ZFP90: variants seen among roughly 807,000 people sequenced by gnomAD.
ZFP90 encodes the protein zinc finger protein 90 homolog.
ZFP90 carries 38 observed loss-of-function variants against 60.8 expected under a neutral mutation model. That is an observed-to-expected ratio of 0.62 (90% CI 0.48 to 0.82). The LOEUF (loss-of-function observed/expected upper bound fraction) is 0.82. ZFP90 is among the 40% of genes least tolerant of loss of function. ZFP90 has a pLI of 0.00. For missense variants in ZFP90, 711 were observed against 759.1 expected (o/e 0.94, Z 0.74); for synonymous variants, 287 against 264.8 (o/e 1.08, Z -0.82).
At chr16:68,561,794 C>A (rs1242081012) in intron 4 of ZFP90, among the ~76,000 whole-genome samples, 1 of 152,116 alleles carries the variant, frequency 6.6e-6, no homozygotes, top group African/African-American at 2.4e-5. Flanking sequence ...ACAAGGCATT[C>A]TCTGTCCTCA....
chr16:68,560,572 T>TATTTATTG, intron 4 of ZFP90, among the ~76,000 whole-genome samples: 1 of 152,192 alleles, frequency 6.6e-6, no homozygotes, highest in South Asian at 2.1e-4. Context: ...TTTATTTATT[T>TATTTATTG]TGAGACAGAA....
chr16:68,576,125 GCTC>G (rs2091593241), downstream of ZFP90: 1 of 227,512 alleles, frequency 4.4e-6, no homozygotes, highest in African/African-American at 2.3e-5. Context: ...CTTCTCCCCA[GCTC>G]CTCAGTATCC....
In ZFP90 at chr16:68,565,418, T is replaced by A. The variant is rs570300062; in HGVS notation, c.*720T>A. 3.4e-5 allele frequency: 34 copies of A among 985,580 alleles called. No individual in the cohort carries two copies. In the South Asian group the frequency reaches 1.4e-3, roughly 41 times the overall value. The allele number at this position is 985,580 out of a possible 1,614,324, so 61.1% of individuals were successfully genotyped here. A position where few individuals can be genotyped will look rare whatever the true frequency, so the allele number is the denominator to read the frequency against. ...ATGGGTTGGACACTTTGAGAATTCT[T>A]AAAAGTATAAGTGGGAGCAAAATGT... On this transcript the variant is annotated 3_prime_UTR_variant, in exon 5 of 5. Coordinates refer to ENST00000563169, the MANE Select transcript of ZFP90 (RefSeq NM_001305203.2).
rs556245010 is a variant in ZFP90, at chr16:68,557,982, G to T, written c.34-16G>T. Reference sequence around the variant, plus strand: ...GTGGGGTTGATCCCCAGTTGAACAGGAATGTGATTTTACAGGAATCAGTGA... The same window carrying T: ...GTGGGGTTGATCCCCAGTTGAACAGTAATGTGATTTTACAGGAATCAGTGA... On this transcript the variant is annotated splice_polypyrimidine_tract_variant and intron_variant, in intron 2 of 4. Transcript: ENST00000563169. The T allele has an allele frequency of 5.0e-6, 8 of 1,613,350 alleles. No individual in the cohort carries two copies. Among genetic ancestry groups the T allele is most frequent in the Non-Finnish European group, 5.9e-6 (7 of 1,179,772 alleles).
chr16:68,549,298 A>G (rs2152062956), intron 2 of ZFP90, among the ~76,000 whole-genome samples: 1 of 152,322 alleles, frequency 6.6e-6, no homozygotes, highest in East Asian at 1.9e-4. Context: ...AAGACCCTCC[A>G]TGCATGGACA....
chr16:68,553,799 G>C (rs1446516293), intron 2 of ZFP90, among the ~76,000 whole-genome samples: 2 of 151,846 alleles, frequency 1.3e-5, no homozygotes, highest in Non-Finnish European at 2.9e-5. Context: ...TAAAAAATTT[G>C]TTTGTGTTAG....
chr16:68,547,753 A>G (rs1252365085), intron 2 of ZFP90, among the ~76,000 whole-genome samples: 6 of 152,156 alleles, frequency 3.9e-5, no homozygotes, highest in African/African-American at 1.4e-4. Flanking sequence ...GTTGTTTCTG[A>G]AATTTTTACT....
At chr16:68,555,103 A>G (rs781225907) in intron 2 of ZFP90, 15 of 152,216 alleles carry the variant, frequency 9.9e-5, no homozygotes, top group Non-Finnish European at 2.2e-4. Flanking sequence ...CCTGGTACAG[A>G]GCCTACCTTG....
intron 2 of ZFP90, among the ~76,000 whole-genome samples, chr16:68,557,791 A>G (rs1344519520): frequency 6.7e-6 from 1 of 149,094 alleles, no homozygotes. Context: ...GGTCTGCAGG[A>G]CAAATTGCCC....
rs1346435661 is a variant in ZFP90, at chr16:68,557,155, T to C, written c.34-843T>C. On this transcript the variant is annotated intron_variant, in intron 2 of 4. Coordinates refer to ENST00000563169, the MANE Select transcript of ZFP90 (RefSeq NM_001305203.2). ...GGCACACACCACCATGCCAGGCTAA[T>C]TTTTTGATCTTTTGTAGAGATGGGG... 3 of 453,630 alleles carry C rather than the reference T, an allele frequency of 6.6e-6. No homozygotes were observed. In the Admixed American group the frequency reaches 7.0e-5, roughly 11 times the overall value. The allele number at this position is 453,630 out of a possible 1,614,324, so 28.1% of individuals were successfully genotyped here.
In ZFP90 at chr16:68,565,566, A is replaced by T; in HGVS notation, c.*868A>T. On this transcript the variant is annotated 3_prime_UTR_variant, in exon 5 of 5. Transcript: ENST00000563169. ...TTCCCCTTTTCCCAGTTACAATTATACTTTCAGCTAACATATGCCAGTTTC... is the reference window on the plus strand; with the variant it reads ...TTCCCCTTTTCCCAGTTACAATTATTCTTTCAGCTAACATATGCCAGTTTC... 5 of 985,556 alleles carry T rather than the reference A, an allele frequency of 5.1e-6. No homozygotes were observed. Among genetic ancestry groups the T allele is most frequent in the Non-Finnish European group, 6.0e-6 (5 of 829,928 alleles). 61.1% of individuals were successfully genotyped at this position (985,556 alleles called of 1,614,324 possible).
intron 2 of ZFP90, among the ~76,000 whole-genome samples, chr16:68,551,297 G>A (rs2091256531): frequency 6.6e-6 from 1 of 152,030 alleles, no homozygotes; most frequent in African/African-American, 2.4e-5. Flanking sequence ...AGCTTTTTAG[G>A]AGCCCATGAA....
rs2091530986 is a variant in ZFP90, at chr16:68,566,531, A to C, written c.*1833A>C. 26 of 985,362 alleles carry C rather than the reference A, an allele frequency of 2.6e-5. No individual in the cohort carries two copies. The highest frequency in any genetic ancestry group is 3.1e-5 in the Non-Finnish European group (26 of 829,952). 61.0% of individuals were successfully genotyped at this position (985,362 alleles called of 1,614,324 possible). ...GGAAAAAATTGTGCATGGGGGCTGA[A>C]ATGTAATATGTGTAGCTCAATTAGT... On this transcript the variant is annotated 3_prime_UTR_variant, in exon 5 of 5. Transcript: ENST00000563169.
Position 68,567,118 on chromosome 16 carries a change from C to T in ZFP90, c.*2420C>T. 1 of 985,510 alleles carries T rather than the reference C, an allele frequency of 1.0e-6. No homozygotes were observed. Among genetic ancestry groups the T allele is most frequent in the Non-Finnish European group, 1.2e-6 (1 of 829,930 alleles). The allele number at this position is 985,510 out of a possible 1,614,324, so 61.0% of individuals were successfully genotyped here. A position where few individuals can be genotyped will look rare whatever the true frequency, so the allele number is the denominator to read the frequency against. ...ATCATTGTATTCTTTCAATAAATAG[C>T]CTTCTGAGTTGAATGGGAGTCAGTT... On this transcript the variant is annotated 3_prime_UTR_variant, in exon 5 of 5. Coordinates refer to ENST00000563169, the MANE Select transcript of ZFP90 (RefSeq NM_001305203.2).
downstream of ZFP90, among the ~76,000 whole-genome samples, chr16:68,569,454 G>T (rs1171272467): frequency 6.6e-6 from 1 of 152,130 alleles, no homozygotes; most frequent in African/African-American, 2.4e-5. Context: ...CACTTTTCTT[G>T]TATGCTATCC....
chr16:68,569,862 G>T (rs1424168502), downstream of ZFP90, among the ~76,000 whole-genome samples: 1 of 152,020 alleles, frequency 6.6e-6, no homozygotes, highest in Admixed American at 6.6e-5. Context: ...TGTTGCTATG[G>T]TTGACACTTT....
intron 4 of ZFP90, among the ~76,000 whole-genome samples, chr16:68,561,873 C>T (rs1728789): frequency 0.77 from 116,906 of 152,094 alleles, 45,012 homozygotes; most frequent in East Asian, 0.82. Flanking sequence ...GATTTCCTCT[C>T]TCAACATTTT....
At chr16:68,562,845 T>TA (rs2091457869) in intron 4 of ZFP90, 199 bp from the exon 5 acceptor site, 1 of 1,252,098 alleles carries the variant, frequency 8.0e-7, no homozygotes, top group Non-Finnish European at 1.1e-6. Flanking sequence ...TCTCTGGACT[T>TA]ACCACATACT....
chr16:68,575,560 A>C (rs1401720289), intron 2 of ZFP90, among the ~76,000 whole-genome samples: 1 of 136,266 alleles, frequency 7.3e-6, no homozygotes, highest in East Asian at 2.3e-4. Flanking sequence ...AAAAAAGGCT[A>C]AAACAAAGGC....
Sources: gnomAD v4.1 joint callset for allele counts (sites outside exome capture counted in the v4.1 genomes callset) on GRCh38, gnomAD v4.1.1 for gene constraint, MANE v1.5 for transcripts, NCBI Gene and HGNC (gene_info 2026-07-23, HGNC 2026-07-21) for gene names.